FMN1: variants seen among roughly 807,000 people sequenced by gnomAD.
The protein encoded by FMN1 is formin-1.
A neutral mutation model predicts 132.4 loss-of-function variants in FMN1; 110 were observed. That is an observed-to-expected ratio of 0.83 (90% CI 0.71 to 0.97). The LOEUF (loss-of-function observed/expected upper bound fraction) is 0.97, where lower values mean the gene tolerates loss of function less well. Ranked by LOEUF, FMN1 falls within the 50% of genes least tolerant of loss-of-function variation. FMN1 has a pLI of 0.00. For missense variants in FMN1, 1,792 were observed against 1,705.3 expected, an observed-to-expected ratio of 1.05 and a Z score of -0.90; for synonymous variants, 722 against 651.7, an observed-to-expected ratio of 1.11 and a Z score of -1.64.
chr15:33,064,966 T>C lies in FMN1; in HGVS notation c.2152A>G (p.Thr718Ala). 1.2e-6 allele frequency: 2 copies of C among 1,610,076 alleles called. No individual in the cohort carries two copies. Among genetic ancestry groups the C allele is most frequent in the Non-Finnish European group, 1.7e-6 (2 of 1,177,860 alleles). Residue 718 changes from threonine to alanine, a missense_variant, in exon 6 of 21, where the codon ACT (threonine) becomes GCT (alanine). Physicochemically the swap from Thr to Ala is moderately conservative, Grantham distance 58. Coordinates refer to ENST00000616417, the MANE Select transcript of FMN1 (RefSeq NM_001277313.2). ...CTTCCTTTCACATTACCTGCTTCAG[T>C]GTACTTCAGTCCCACTTTTTCTTCT... The part of the protein sequence containing the change: ...DTEEKVGLKY[T>A]EAEYQAAILH...
At chr15:32,790,658 T>C (rs1211638381) in intron 19 of FMN1, among the ~76,000 whole-genome samples, 5 of 152,192 alleles carry the variant, frequency 3.3e-5, no homozygotes, top group Admixed American at 1.3e-4. Flanking sequence ...TCTAAAACTA[T>C]CTGCTTAGGG....
chr15:33,014,910 T>A (rs914411094), intron 6 of FMN1, among the ~76,000 whole-genome samples: 1 of 152,240 alleles, frequency 6.6e-6, no homozygotes, highest in Non-Finnish European at 1.5e-5. Context: ...TAATTACATA[T>A]GGGTACGGAT....
chr15:33,088,630 T>C (rs1033621115), intron 5 of FMN1, among the ~76,000 whole-genome samples, 169 bp downstream of exon 5: 2 of 152,180 alleles, frequency 1.3e-5, no homozygotes, highest in African/African-American at 4.8e-5. Context: ...GTGTACAAAT[T>C]TCAGATCACC....
intron 4 of FMN1, among the ~76,000 whole-genome samples, chr15:33,114,309 C>T (rs1240106091): frequency 6.6e-6 from 1 of 152,210 alleles, no homozygotes; most frequent in Non-Finnish European, 1.5e-5. Flanking sequence ...GTATAGCATC[C>T]TAAAAGCCTA....
intron 17 of FMN1, among the ~76,000 whole-genome samples, chr15:32,816,787 T>C (rs1316550571): frequency 4.6e-5 from 7 of 152,228 alleles, no homozygotes; most frequent in African/African-American, 1.4e-4. Flanking sequence ...TAAATTTCAT[T>C]GGGCAGTCAC....
chr15:33,112,290 A>G (rs536362052), intron 4 of FMN1, among the ~76,000 whole-genome samples: 4 of 31,230 alleles, frequency 1.3e-4, no homozygotes, highest in African/African-American at 3.8e-4. Context: ...GGCAGTGCAT[A>G]AAACAAAATA....
chr15:32,932,975 T>A (rs1325963294), intron 9 of FMN1, among the ~76,000 whole-genome samples: 1 of 152,288 alleles, frequency 6.6e-6, no homozygotes. Flanking sequence ...TTTTCTATAC[T>A]CTATTTTGCT....
chr15:32,785,518 G>A lies in FMN1; in HGVS notation c.4131-8599C>T, dbSNP rs142110306. Among the ~76,000 whole-genome samples, 9 of 151,950 alleles carry A rather than the reference G, an allele frequency of 5.9e-5. No individual in the cohort carries two copies. In the South Asian group the frequency reaches 1.2e-3, roughly 21 times the overall value. ...AGGTAACTGGCCCCTGAAAATTAGC[G>A]TTATCTTTTAAACACCTATGGGTGA... On this transcript the variant is annotated intron_variant, in intron 19 of 20. Coordinates refer to ENST00000616417, the MANE Select transcript of FMN1 (RefSeq NM_001277313.2).
intron 9 of FMN1, among the ~76,000 whole-genome samples, chr15:32,952,285 T>C (rs2061671146): frequency 6.6e-6 from 1 of 152,228 alleles, no homozygotes; most frequent in African/African-American, 2.4e-5. Context: ...CTGAATCACA[T>C]TCTTCTCCAA....
At chr15:33,140,610 A>T (rs997392569) in intron 4 of FMN1, among the ~76,000 whole-genome samples, 1 of 152,258 alleles carries the variant, frequency 6.6e-6, no homozygotes, top group Non-Finnish European at 1.5e-5. Context: ...AAATAATTAC[A>T]ACAATGTAAA....
At chr15:33,042,259 C>T (rs899601469) in intron 6 of FMN1, among the ~76,000 whole-genome samples, 2 of 152,104 alleles carry the variant, frequency 1.3e-5, no homozygotes, top group Non-Finnish European at 2.9e-5. Flanking sequence ...TAAAAGAAAT[C>T]TTGCAGAGGC....
intron 18 of FMN1, among the ~76,000 whole-genome samples, chr15:32,799,215 G>A (rs1268266997): frequency 6.6e-6 from 1 of 152,124 alleles, no homozygotes; most frequent in Non-Finnish European, 1.5e-5. Context: ...ATTTCTGGGG[G>A]TGTGTAGGTA....
chr15:32,835,114 G>A (rs1468339507), intron 17 of FMN1, among the ~76,000 whole-genome samples: 2 of 152,148 alleles, frequency 1.3e-5, no homozygotes, highest in African/African-American at 4.8e-5. Context: ...AAAGCACAAG[G>A]CTGCTAGTGA....
intron 7 of FMN1, among the ~76,000 whole-genome samples, chr15:32,985,754 G>T (rs1238468118): frequency 6.6e-6 from 1 of 151,924 alleles, no homozygotes; most frequent in African/African-American, 2.4e-5. Flanking sequence ...AGTTTGTTTT[G>T]TTTAGTGCCC....
intron 4 of FMN1, among the ~76,000 whole-genome samples, chr15:33,094,049 G>T (rs2038992914): frequency 6.9e-6 from 1 of 144,446 alleles, no homozygotes; most frequent in Admixed American, 7.2e-5. Context: ...TTTAGAGAAA[G>T]ATATTATTGC....
At chr15:33,140,861 A>G (rs1258306005) in intron 4 of FMN1, among the ~76,000 whole-genome samples, 1 of 152,218 alleles carries the variant, frequency 6.6e-6, no homozygotes, top group African/African-American at 2.4e-5. Context: ...TTCCAATCTA[A>G]TATGTATAAA....
chr15:32,899,015 G>A (rs1337603833), intron 14 of FMN1, 122 bp from the exon 15 acceptor site: 5 of 669,750 alleles, frequency 7.5e-6, no homozygotes, highest in Non-Finnish European at 1.3e-5. Flanking sequence ...TCTCTTCGAT[G>A]CTGGCAAGGT....
chr15:32,890,000 C>CATATCACAT (rs1221288214), intron 15 of FMN1, among the ~76,000 whole-genome samples: 2 of 152,236 alleles, frequency 1.3e-5, no homozygotes, highest in Non-Finnish European at 2.9e-5. Flanking sequence ...TTAGCTACCA[C>CATATCACAT]ATATCAGTGA....
rs781211668 is a variant in FMN1 at position 32,969,225 on chromosome 15, T to C, written c.2476A>G (p.Asn826Asp). The change falls in exon 8 of 21, where the codon AAT becomes GAT. Residue 826 changes from asparagine (N) to aspartate (D), a missense_variant. Physicochemically the swap from Asn to Asp is conservative, Grantham distance 23. Transcript: ENST00000616417. ...CESESKTTRS[N>D]QLVPKKLNIS... ...TTCAGCTTTTTGGGTACTAATTGAT[T>C]ACTTCTGGTTGTCTTGCTTTCACTT... 2.4e-5 allele frequency: 38 copies of C among 1,613,792 alleles called. No homozygotes were observed. In the Admixed American group the frequency reaches 3.0e-4, roughly 13 times the overall value.
Sources: gnomAD v4.1 joint callset for allele counts (sites outside exome capture counted in the v4.1 genomes callset) on GRCh38, gnomAD v4.1.1 for gene constraint, MANE v1.5 for transcripts, NCBI Gene and HGNC (gene_info 2026-07-23, HGNC 2026-07-21) for gene names.